The following KLF12 variants were observed in gnomAD, a reference collection of about 807,000 sequenced individuals.
KLF12 encodes the protein KLF transcription factor 12.
A neutral mutation model predicts 37.8 loss-of-function variants in KLF12; 9 were observed. That is an observed-to-expected ratio of 0.24 (90% CI 0.14 to 0.42). The LOEUF (loss-of-function observed/expected upper bound fraction) is 0.42, where lower values mean the gene tolerates loss of function less well. KLF12 is among the 10% of genes least tolerant of loss of function. KLF12 has a pLI of 1.00. For synonymous variants in KLF12, 208 were observed against 202.1 expected, an observed-to-expected ratio of 1.03 and a Z score of -0.25; for missense variants, 411 against 516.0, an observed-to-expected ratio of 0.80 and a Z score of 1.97.
chr13:73,969,458 C>T (rs939049985), intron 2 of KLF12, among the ~76,000 whole-genome samples: 1 of 152,178 alleles, frequency 6.6e-6, no homozygotes, highest in Non-Finnish European at 1.5e-5. Context: ...CACTTCTTTC[C>T]TTCTTCACTT....
At chr13:74,170,888 C>T in the KLF12 span, among the ~76,000 whole-genome samples, 1 of 152,174 alleles carries the variant, frequency 6.6e-6, no homozygotes, top group South Asian at 2.1e-4. Context: ...CCTCAGCCTC[C>T]CAAATAGCTG....
intron 7 of KLF12, among the ~76,000 whole-genome samples, chr13:73,699,710 C>T (rs1874408054): frequency 6.6e-6 from 1 of 152,134 alleles, no homozygotes; most frequent in South Asian, 2.1e-4. Context: ...GGGGTTACAA[C>T]ATGAGAAGGA....
At chr13:73,868,667 A>G (rs1886317935) in intron 3 of KLF12, among the ~76,000 whole-genome samples, 1 of 152,176 alleles carries the variant, frequency 6.6e-6, no homozygotes. Flanking sequence ...CTGGGATTAC[A>G]GGCGTGAGCC....
the KLF12 span, among the ~76,000 whole-genome samples, chr13:74,295,477 C>T: frequency 6.6e-6 from 1 of 152,162 alleles, no homozygotes; most frequent in Non-Finnish European, 1.5e-5. Flanking sequence ...TTTGCCACTC[C>T]TTTTTGTCCT....
intron 4 of KLF12, among the ~76,000 whole-genome samples, chr13:73,842,236 A>G (rs1884775885): frequency 1.3e-5 from 2 of 152,176 alleles, no homozygotes. Context: ...TTCCTAGAAC[A>G]TGACATCCTA....
intron 1 of KLF12, among the ~76,000 whole-genome samples, chr13:74,088,985 G>C (rs560633309): frequency 6.6e-6 from 1 of 152,184 alleles, no homozygotes; most frequent in South Asian, 2.1e-4. Flanking sequence ...TAAAACGCCT[G>C]TGTAGTAAAT....
At chr13:73,888,116 C>T (rs1887322708) in intron 3 of KLF12, among the ~76,000 whole-genome samples, 2 of 152,016 alleles carry the variant, frequency 1.3e-5, no homozygotes, top group Admixed American at 1.3e-4. Context: ...GATCCTCCCA[C>T]CTCAGCCTCC....
intron 3 of KLF12, among the ~76,000 whole-genome samples, chr13:73,856,009 C>T (rs945283696): frequency 1.3e-5 from 2 of 152,164 alleles, no homozygotes; most frequent in African/African-American, 4.8e-5. Context: ...TTGTAATGGG[C>T]CCTTTTTGGA....
intron 6 of KLF12, among the ~76,000 whole-genome samples, chr13:73,741,990 T>C (rs867511396): frequency 1.3e-5 from 2 of 150,912 alleles, no homozygotes; most frequent in Non-Finnish European, 2.9e-5. Context: ...GACTTCACTT[T>C]CCTGCAGTCA....
At position 73,877,147 on chromosome 13, in the gene KLF12, T is replaced by A. The variant is rs546536628; in HGVS notation, c.124-30774A>T. ...TTCAGCAGTTATTCTCAATTTTTTT[T>A]AAACAAGTATAATTAACAAACTATA... On this transcript the variant is annotated intron_variant, in intron 3 of 7. Transcript: ENST00000377669. 4.6e-5 allele frequency among the ~76,000 whole-genome samples: 7 copies of A among 152,340 alleles called. No homozygotes were observed. The East Asian group carries it at 1.3e-3, about 29-fold the overall frequency.
chr13:74,094,641 C>T (rs1389953646), intron 1 of KLF12, among the ~76,000 whole-genome samples: 1 of 151,566 alleles, frequency 6.6e-6, no homozygotes, highest in East Asian at 1.9e-4. Context: ...ACTCTGTTGC[C>T]CAGACTGGAG....
intron 3 of KLF12, among the ~76,000 whole-genome samples, chr13:73,876,189 T>G (rs901580208): frequency 2.0e-5 from 3 of 151,844 alleles, no homozygotes; most frequent in African/African-American, 7.3e-5. Flanking sequence ...TGCTGAGTCC[T>G]AATCTGGAGG....
chr13:74,061,824 C>T (rs1873611351), intron 1 of KLF12, among the ~76,000 whole-genome samples: 3 of 152,094 alleles, frequency 2.0e-5, no homozygotes, highest in South Asian at 4.1e-4. Flanking sequence ...GATTTTTATA[C>T]CTTGACGTTA....
chr13:73,946,239 G>C (rs1157502309), intron 2 of KLF12, among the ~76,000 whole-genome samples: 1 of 152,126 alleles, frequency 6.6e-6, no homozygotes, highest in Non-Finnish European at 1.5e-5. Flanking sequence ...AAGCAAAAGA[G>C]GAGAAAAGAC....
chr13:74,136,403 G>A (rs549586694), upstream of KLF12, among the ~76,000 whole-genome samples: 81 of 152,212 alleles, frequency 5.3e-4, 1 homozygote, highest in Non-Finnish European at 8.8e-5. Context: ...ATCAACAACT[G>A]CGCAGGATTT....
At chr13:73,849,659 G>T (rs1414312099) in intron 3 of KLF12, among the ~76,000 whole-genome samples, 1 of 152,090 alleles carries the variant, frequency 6.6e-6, no homozygotes, top group Non-Finnish European at 1.5e-5. Flanking sequence ...ACAAAGAAAG[G>T]TCGTAAGTTT....
At chr13:73,810,664 C>CACACACAA (rs35717557) in intron 5 of KLF12, among the ~76,000 whole-genome samples, 31 of 151,886 alleles carry the variant, frequency 2.0e-4, no homozygotes, top group African/African-American at 7.5e-4. Flanking sequence ...CACACACACA[C>CACACACAA]AAATTAAATA....
intron 3 of KLF12, among the ~76,000 whole-genome samples, chr13:73,909,388 T>C (rs1888464938): frequency 6.6e-6 from 1 of 152,226 alleles, no homozygotes; most frequent in African/African-American, 2.4e-5. Context: ...CTCTGCCTCC[T>C]GAAGTACACA....
chr13:74,037,181 C>A (rs1404290549), intron 1 of KLF12, among the ~76,000 whole-genome samples: 1 of 125,148 alleles, frequency 8.0e-6, no homozygotes, highest in Non-Finnish European at 1.6e-5. Context: ...CCAGCCAAGG[C>A]AACAGAGCAA....
Sources: allele counts gnomAD v4.1 joint callset (sites outside exome capture counted in the v4.1 genomes callset), GRCh38; gene constraint gnomAD v4.1.1; transcripts MANE v1.5; gene names NCBI Gene and HGNC (gene_info 2026-07-23, HGNC 2026-07-21).